Variants in DCUN1D4 observed in about 807,000 individuals in gnomAD.
The protein encoded by DCUN1D4 is defective in cullin neddylation 1 domain containing 4, also known as DCN1-like protein 4.
A neutral mutation model predicts 47.9 loss-of-function variants in DCUN1D4; 22 were observed. The ratio of observed to expected loss-of-function variants is 0.46; its 90% CI spans 0.33 to 0.66. DCUN1D4 has a LOEUF of 0.66. Ranked by LOEUF, DCUN1D4 falls within the 30% of genes least tolerant of loss-of-function variation. DCUN1D4 has a pLI of 0.02. For synonymous variants in DCUN1D4, 121 were observed against 112.2 expected (o/e 1.08, Z -0.50); for missense variants, 301 against 340.8 (o/e 0.88, Z 0.92).
upstream of DCUN1D4, among the ~76,000 whole-genome samples, chr4:51,841,057 C>CCAT (rs908098051): frequency 1.3e-5 from 2 of 152,044 alleles, no homozygotes; most frequent in African/African-American, 2.4e-5. Flanking sequence ...AGCAGCCGAC[C>CCAT]CATCCTTCAT....
At chr4:51,843,500 G>A (rs1391376228) in intron 1 of DCUN1D4, 19 of 1,289,950 alleles carry the variant, frequency 1.5e-5, no homozygotes, top group Admixed American at 8.4e-5. Context: ...GGAGGTGAGG[G>A]GGGTGGGGAC....
chr4:51,900,033 C>G (rs1391837393), intron 8 of DCUN1D4, among the ~76,000 whole-genome samples: 1 of 152,148 alleles, frequency 6.6e-6, no homozygotes, highest in Non-Finnish European at 1.5e-5. Flanking sequence ...AAATCTATAT[C>G]CCATACAATT....
At chr4:51,870,473 C>G (rs1223815383) in intron 3 of DCUN1D4, among the ~76,000 whole-genome samples, 1 of 151,090 alleles carries the variant, frequency 6.6e-6, no homozygotes, top group African/African-American at 2.4e-5. Flanking sequence ...GTTTTATTTA[C>G]TCATAGGTGT....
intron 8 of DCUN1D4, among the ~76,000 whole-genome samples, chr4:51,906,362 A>G (rs144113266): frequency 6.6e-6 from 1 of 152,198 alleles, no homozygotes; most frequent in Non-Finnish European, 1.5e-5. Flanking sequence ...AGAATTCACT[A>G]AGGAAAATTT....
At chr4:51,897,592 G>A (rs1357177980) in intron 7 of DCUN1D4, among the ~76,000 whole-genome samples, 1 of 151,200 alleles carries the variant, frequency 6.6e-6, no homozygotes, top group African/African-American at 2.5e-5. Context: ...TAACCAATAA[G>A]TATGCTTGCT....
intron 1 of DCUN1D4, among the ~76,000 whole-genome samples, chr4:51,856,526 T>C (rs542825936): frequency 6.6e-6 from 1 of 152,358 alleles, no homozygotes; most frequent in African/African-American, 2.4e-5. Context: ...TTAGGAAACG[T>C]TGCTGCTTTT....
At chr4:51,867,938 A>C (rs887184917) in intron 3 of DCUN1D4, among the ~76,000 whole-genome samples, 2 of 152,224 alleles carry the variant, frequency 1.3e-5, no homozygotes, top group African/African-American at 4.8e-5. Context: ...GGTCTGCGCC[A>C]AGCTGCTCTC....
chr4:51,837,403 C>T, the DCUN1D4 span, among the ~76,000 whole-genome samples: 1 of 152,000 alleles, frequency 6.6e-6, no homozygotes, highest in Non-Finnish European at 1.5e-5. Context: ...CGCGGTGGCT[C>T]ACGCCTGTAA....
At chr4:51,845,036 C>G in intron 1 of DCUN1D4, 1 of 985,502 alleles carries the variant, frequency 1.0e-6, no homozygotes, top group East Asian at 1.1e-4. Flanking sequence ...TTCTTGGTCC[C>G]CAAGTGAATT....
chr4:51,842,107 C>T (rs1721708711), upstream of DCUN1D4, among the ~76,000 whole-genome samples: 1 of 152,148 alleles, frequency 6.6e-6, no homozygotes, highest in Non-Finnish European at 1.5e-5. Context: ...GGAAATGGTG[C>T]GAATTCTTGA....
At chr4:51,834,317 T>G in the DCUN1D4 span, among the ~76,000 whole-genome samples, 1 of 151,632 alleles carries the variant, frequency 6.6e-6, no homozygotes, top group African/African-American at 2.4e-5. Flanking sequence ...ATTAGGCTGA[T>G]TCCCTTGGGG....
chr4:51,906,362 A>C lies in DCUN1D4; in HGVS notation c.616-4708A>C, dbSNP rs144113266. Among the ~76,000 whole-genome samples, 448 of 152,316 alleles carry C rather than the reference A, an allele frequency of 2.9e-3. 3 individuals are homozygous for C. Among genetic ancestry groups the C allele is most frequent in the African/African-American group, 0.01 (420 of 41,574 alleles). Reference sequence around the variant, plus strand: ...AGGGATGTTACTCATAGAATTCACTAAGGAAAATTTTGCTAGGTCTTGTGT... The same window carrying C: ...AGGGATGTTACTCATAGAATTCACTCAGGAAAATTTTGCTAGGTCTTGTGT... On this transcript the variant is annotated intron_variant, in intron 8 of 10. Coordinates refer to ENST00000334635, the MANE Select transcript of DCUN1D4 (RefSeq NM_001040402.3).
At chr4:51,867,896 G>A (rs1188807271) in intron 3 of DCUN1D4, among the ~76,000 whole-genome samples, 1 of 152,206 alleles carries the variant, frequency 6.6e-6, no homozygotes, top group Non-Finnish European at 1.5e-5. Flanking sequence ...TGCCCACGGC[G>A]CTCAGGTTGT....
At chr4:51,894,469 T>C (rs909713940) in intron 7 of DCUN1D4, among the ~76,000 whole-genome samples, 1 of 148,504 alleles carries the variant, frequency 6.7e-6, no homozygotes, top group South Asian at 2.2e-4. Context: ...TTCCAGGCCC[T>C]AGGGAATCAA....
chr4:51,850,278 G>T (rs149239048), intron 1 of DCUN1D4, among the ~76,000 whole-genome samples: 1 of 152,100 alleles, frequency 6.6e-6, no homozygotes, highest in South Asian at 2.1e-4. Flanking sequence ...ATACTTTGCC[G>T]CACAGAAGTG....
chr4:51,893,104 C>A (rs1730705723), intron 7 of DCUN1D4, among the ~76,000 whole-genome samples: 1 of 152,226 alleles, frequency 6.6e-6, no homozygotes, highest in Admixed American at 6.5e-5. Context: ...AATGAGGAGA[C>A]TGAGGCATAG....
At chr4:51,853,774 A>G (rs1723712860) in intron 1 of DCUN1D4, among the ~76,000 whole-genome samples, 1 of 152,156 alleles carries the variant, frequency 6.6e-6, no homozygotes, top group South Asian at 2.1e-4. Context: ...TAATAGCTTA[A>G]TTAGGAAGCT....
rs557316322 is a variant in DCUN1D4, at chr4:51,913,736, C to T, written c.*152C>T. On this transcript the variant is annotated 3_prime_UTR_variant, in exon 11 of 11. Transcript: ENST00000334635. ...TGGTGTTTGCTATTGAATTGGCCAG[C>T]TCTGCTTGCTGTGTGGCATTGTTCT... 1 of 658,052 alleles carries T rather than the reference C, an allele frequency of 1.5e-6. No individual in the cohort carries two copies. Among genetic ancestry groups the T allele is most frequent in the Admixed American group, 2.6e-5 (1 of 38,188 alleles). The allele number at this position is 658,052 out of a possible 1,614,324, so 40.8% of individuals were successfully genotyped here.
In DCUN1D4 at chr4:51,889,296, T is replaced by C. The variant is rs75673431; in HGVS notation, c.415-2464T>C. Among the ~76,000 whole-genome samples, 1,254 of 152,320 alleles carry C rather than the reference T, an allele frequency of 8.2e-3. 36 individuals carry two copies. The highest frequency in any genetic ancestry group is 0.051 in the Admixed American group (785 of 15,298). ...GAGACATTAACATTTGTAAAACAAG[T>C]GCTGAAATATGGTGTTTTCAAGCCT... is the stretch of plus-strand genomic sequence containing the variant. On this transcript the variant is annotated intron_variant, in intron 6 of 10. Transcript: ENST00000334635.
Sources: allele counts gnomAD v4.1 joint callset (sites outside exome capture counted in the v4.1 genomes callset), GRCh38; gene constraint gnomAD v4.1.1; transcripts MANE v1.5; gene names NCBI Gene and HGNC (gene_info 2026-07-23, HGNC 2026-07-21).